The following ADAM23 variants were observed in gnomAD, a reference collection of about 807,000 sequenced individuals.
ADAM23 encodes disintegrin and metalloproteinase domain-containing protein 23.
In ADAM23, 33 loss-of-function variants were observed where a neutral mutation model predicts 120.1. The ratio of observed to expected loss-of-function variants is 0.27; its 90% confidence interval spans 0.21 to 0.37. ADAM23 has a LOEUF of 0.37. ADAM23 is among the 10% of genes least tolerant of loss of function. The pLI is 1.00. For missense variants in ADAM23, 862 were observed against 1,058.2 expected, an observed-to-expected ratio of 0.81 and a Z score of 2.57; for synonymous variants, 367 against 375.2, an observed-to-expected ratio of 0.98 and a Z score of 0.25.
chr2:206,548,235 A>G (rs747666017), intron 7 of ADAM23, 46 bp from the exon 8 acceptor site: 8 of 1,554,680 alleles, frequency 5.1e-6, no homozygotes, highest in Middle Eastern at 1.7e-4. Flanking sequence ...ACATACTCCC[A>G]TTGAAATAAG....
chr2:206,595,509 G>A (rs1698507330), intron 23 of ADAM23, among the ~76,000 whole-genome samples: 2 of 152,060 alleles, frequency 1.3e-5, no homozygotes, highest in African/African-American at 4.8e-5. Context: ...ATCCTTGTTG[G>A]GCAGGGAAAG....
At chr2:206,577,959 C>G (rs1698149339) in intron 18 of ADAM23, among the ~76,000 whole-genome samples, 1 of 151,740 alleles carries the variant, frequency 6.6e-6, no homozygotes, top group African/African-American at 2.4e-5. Context: ...GCCATTCTAA[C>G]TGGTGTGAGA....
intron 2 of ADAM23, among the ~76,000 whole-genome samples, chr2:206,474,505 C>T (rs1335003150): frequency 6.6e-6 from 1 of 151,908 alleles, no homozygotes; most frequent in Non-Finnish European, 1.5e-5. Flanking sequence ...TTCTCTTTTT[C>T]CTACTTTACT....
At chr2:206,462,685 G>A (rs1489037796) in intron 2 of ADAM23, among the ~76,000 whole-genome samples, 5 of 152,218 alleles carry the variant, frequency 3.3e-5, no homozygotes, top group African/African-American at 1.2e-4. Flanking sequence ...AGGATTTGCC[G>A]GGAGCTCCTG....
intron 2 of ADAM23, among the ~76,000 whole-genome samples, chr2:206,464,500 A>G (rs1303167103): frequency 4.6e-5 from 7 of 152,036 alleles, no homozygotes; most frequent in Non-Finnish European, 8.8e-5. Flanking sequence ...ACTTGAACCC[A>G]GGAGGCGGAG....
intron 2 of ADAM23, among the ~76,000 whole-genome samples, chr2:206,459,181 G>A (rs1161000069): frequency 6.6e-6 from 1 of 152,210 alleles, no homozygotes; most frequent in African/African-American, 2.4e-5. Flanking sequence ...GTAGTTAGAA[G>A]CATTTATCAC....
Position 206,557,490 on chromosome 2 carries a change from G to C in ADAM23, c.997G>C (p.Val333Leu). ...NNFAKSVVNL[V>L]DSIYKEQLNT... Reference sequence around the variant, plus strand: ...CTTTGCAAAGTCCGTGGTCAACCTTGTGGATTCTGTAAGTATCCTGGTTTT... The same window carrying C: ...CTTTGCAAAGTCCGTGGTCAACCTTCTGGATTCTGTAAGTATCCTGGTTTT... The change falls in exon 10 of 26, where the codon GTG (valine) becomes CTG (leucine). Residue 333 changes from valine (V) to leucine (L), a missense_variant. This residue lies in a region of ADAM23 where 617 missense variants were observed against 813.5 expected (regional missense o/e 0.76). Transcript: ENST00000264377. 6.2e-7 allele frequency: 1 copy of C among 1,611,828 alleles called. No homozygotes were observed. The highest frequency in any genetic ancestry group is 8.5e-7 in the Non-Finnish European group (1 of 1,177,970).
intron 24 of ADAM23, among the ~76,000 whole-genome samples, chr2:206,603,258 T>C (rs1339401278): frequency 1.3e-5 from 2 of 152,246 alleles, no homozygotes; most frequent in Non-Finnish European, 2.9e-5. Context: ...TTTTCAAATA[T>C]GTCCCCTATA....
intron 24 of ADAM23, among the ~76,000 whole-genome samples, chr2:206,606,151 T>C (rs887132602): frequency 7.2e-5 from 11 of 152,236 alleles, no homozygotes; most frequent in African/African-American, 2.4e-4. Context: ...CCATTGCTCC[T>C]CCACTTTGTA....
intron 22 of ADAM23, among the ~76,000 whole-genome samples, chr2:206,594,534 A>G (rs1047138321): frequency 6.6e-6 from 1 of 152,222 alleles, no homozygotes; most frequent in African/African-American, 2.4e-5. Context: ...TACTGTAATA[A>G]TGATAATGAA....
chr2:206,447,387 C>G (rs1695102939), intron 2 of ADAM23, among the ~76,000 whole-genome samples: 1 of 152,130 alleles, frequency 6.6e-6, no homozygotes, highest in Non-Finnish European at 1.5e-5. Context: ...GCTAAGTATT[C>G]AAAGATAAGA....
intron 3 of ADAM23, among the ~76,000 whole-genome samples, chr2:206,517,928 T>A (rs1489106395): frequency 6.6e-6 from 1 of 152,204 alleles, no homozygotes; most frequent in Non-Finnish European, 1.5e-5. Flanking sequence ...CTAAATAGAA[T>A]AGTTTCTCTC....
chr2:206,506,175 A>G (rs1174218859), intron 3 of ADAM23, among the ~76,000 whole-genome samples: 1 of 152,216 alleles, frequency 6.6e-6, no homozygotes, highest in Non-Finnish European at 1.5e-5. Flanking sequence ...TTTCTTACCA[A>G]GTCTCTTCTA....
At chr2:206,595,212 G>A (rs1698502123) in intron 23 of ADAM23, among the ~76,000 whole-genome samples, 1 of 152,066 alleles carries the variant, frequency 6.6e-6, no homozygotes, top group African/African-American at 2.4e-5. Flanking sequence ...GCCAAATTCA[G>A]CCTTGTTAAT....
chr2:206,560,933 T>C (rs184128874), intron 11 of ADAM23, among the ~76,000 whole-genome samples, 195 bp from the exon 12 acceptor site: 1 of 152,344 alleles, frequency 6.6e-6, no homozygotes, highest in East Asian at 1.9e-4. Context: ...TGGTGCTTGC[T>C]CAATTGAAAT....
chr2:206,609,798 A>T, intron 24 of ADAM23, 112 bp from the exon 25 acceptor site: 1 of 790,108 alleles, frequency 1.3e-6, no homozygotes, highest in Non-Finnish European at 2.0e-6. Context: ...TTAAATGTTT[A>T]GCCGTCTTTT....
At chr2:206,576,102 T>G (rs903410017) in intron 18 of ADAM23, among the ~76,000 whole-genome samples, 14 of 152,200 alleles carry the variant, frequency 9.2e-5, no homozygotes, top group African/African-American at 3.1e-4. Context: ...TTCTTACATT[T>G]CAATATATAA....
In ADAM23 at chr2:206,573,213, T is replaced by C. The variant is rs1415442905; in HGVS notation, c.1737+18T>C. The C allele has an allele frequency of 1.2e-6, 2 of 1,610,654 alleles. No individual in the cohort carries two copies. ...CTGGTCAGGTATGGCGCACTGAGTT[T>C]TTGGTAATACATTTTACTTGTACAG... is the stretch of plus-strand genomic sequence containing the variant. On this transcript the variant is annotated intron_variant, in intron 18 of 25. Transcript: ENST00000264377.
intron 18 of ADAM23, among the ~76,000 whole-genome samples, chr2:206,582,861 A>C (rs998763846): frequency 3.9e-5 from 6 of 152,164 alleles, no homozygotes; most frequent in Non-Finnish European, 2.9e-5. Context: ...TAACTGTTTG[A>C]GGAGGCTGAA....
Sources: allele counts gnomAD v4.1 joint callset (sites outside exome capture counted in the v4.1 genomes callset), GRCh38; gene constraint gnomAD v4.1.1; regional missense constraint gnomAD v4.1.1; transcripts MANE v1.5; gene names NCBI Gene and HGNC (gene_info 2026-07-23, HGNC 2026-07-21).